The following FRMPD4 variants were observed in gnomAD, a reference collection of about 807,000 sequenced individuals.
The protein encoded by FRMPD4 is FERM and PDZ domain containing 4, also known as FERM and PDZ domain-containing protein 4.
Under a neutral mutation model 94.1 loss-of-function variants are expected in FRMPD4, and 22 were observed. The ratio of observed to expected loss-of-function variants is 0.23; its 90% CI spans 0.17 to 0.33. FRMPD4 has a LOEUF of 0.33. Ranked by LOEUF, FRMPD4 falls within the 10% of genes least tolerant of loss-of-function variation. The pLI is 1.00. For synonymous variants in FRMPD4, 631 were observed against 548.6 expected (o/e 1.15, Z -2.10); for missense variants, 1,111 against 1,339.9 (o/e 0.83, Z 2.67).
intron 4 of FRMPD4, among the ~76,000 whole-genome samples, chrX:12,616,212 C>G (rs2059234833): frequency 9.0e-6 from 1 of 110,980 alleles, no homozygotes; most frequent in Admixed American, 9.6e-5. Flanking sequence ...GAGGTCTCTG[C>G]ATCGTGAATG....
intron 1 of FRMPD4, among the ~76,000 whole-genome samples, chrX:11,835,056 A>G (rs191909179): frequency 1.8e-5 from 2 of 111,939 alleles, no homozygotes; most frequent in Admixed American, 9.5e-5. Context: ...TTGGGAAGTC[A>G]CAAAAAAGGA....
At chrX:11,941,918 G>A (rs2054162089) in intron 3 of FRMPD4, among the ~76,000 whole-genome samples, 1 of 111,807 alleles carries the variant, frequency 8.9e-6, no homozygotes, top group South Asian at 3.8e-4. Context: ...GTTGTCACTC[G>A]TCAGTTGTGA....
At chrX:12,002,634 C>T (rs1479905413) in intron 3 of FRMPD4, among the ~76,000 whole-genome samples, 24 of 111,732 alleles carry the variant, frequency 2.1e-4, no homozygotes, top group African/African-American at 7.8e-4. Flanking sequence ...GTGTATGGCA[C>T]ATAGTAGGTG....
At chrX:11,963,390 A>G (rs907640038) in intron 3 of FRMPD4, among the ~76,000 whole-genome samples, 2 of 112,489 alleles carry the variant, frequency 1.8e-5, no homozygotes, top group Non-Finnish European at 3.8e-5. Flanking sequence ...TGTCCTATAA[A>G]TTAGTAGATT....
intron 2 of FRMPD4, among the ~76,000 whole-genome samples, chrX:12,576,137 AC>A (rs1172034729): frequency 9.0e-6 from 1 of 111,395 alleles, no homozygotes; most frequent in African/African-American, 3.3e-5. Flanking sequence ...TAGAACCCAA[AC>A]CCCTTGACTT....
chrX:12,193,530 T>G (rs1293893614), intron 1 of FRMPD4, among the ~76,000 whole-genome samples: 2 of 107,050 alleles, frequency 1.9e-5, no homozygotes, highest in Admixed American at 2.1e-4. Flanking sequence ...CTTTCGAGAT[T>G]GAGTGCTTCT....
intron 3 of FRMPD4, among the ~76,000 whole-genome samples, chrX:12,009,374 A>G (rs777479742): frequency 8.9e-6 from 1 of 112,604 alleles, no homozygotes; most frequent in Non-Finnish European, 1.9e-5. Context: ...AAAACAATGT[A>G]GCTATCCAAT....
intron 3 of FRMPD4, among the ~76,000 whole-genome samples, chrX:11,961,919 AC>A (rs1249661105): frequency 8.9e-6 from 1 of 112,224 alleles, no homozygotes; most frequent in Non-Finnish European, 1.9e-5. Flanking sequence ...GAAAAAAAAA[AC>A]TTAAAGAATT....
At chrX:12,669,733 G>A (rs1178845253) in intron 4 of FRMPD4, among the ~76,000 whole-genome samples, 1 of 111,758 alleles carries the variant, frequency 8.9e-6, no homozygotes, top group Admixed American at 9.5e-5. Flanking sequence ...AAGATTTGAA[G>A]ATGATACTGC....
At chrX:11,824,930 TG>T (rs1379540085) in intron 1 of FRMPD4, among the ~76,000 whole-genome samples, 2 of 104,862 alleles carry the variant, frequency 1.9e-5, no homozygotes, top group Non-Finnish European at 3.9e-5. Context: ...ATGGACAGAG[TG>T]GTGTTTTCTA....
chrX:12,562,695 A>G (rs2058670592), intron 2 of FRMPD4, among the ~76,000 whole-genome samples: 1 of 112,911 alleles, frequency 8.9e-6, no homozygotes, highest in Admixed American at 9.4e-5. Context: ...TGAGACCCAG[A>G]GCGCTTTCTA....
chrX:12,537,575 C>T (rs2058353796), intron 2 of FRMPD4, among the ~76,000 whole-genome samples: 2 of 105,871 alleles, frequency 1.9e-5, no homozygotes, highest in South Asian at 8.9e-4. Flanking sequence ...ACTTCAGCCT[C>T]TGGAGTATCT....
chrX:12,193,763 A>AAAGT lies in FRMPD4; in HGVS notation c.41+54754_41+54755insTAAG, dbSNP rs1569186355. ...TTATCCGAAAGAAACAGAAAGAAAGAAAGAAAGAAAGGAAGGAAGGAAGGA... is the reference window on the plus strand; with the variant it reads ...TTATCCGAAAGAAACAGAAAGAAAGAAAGTAAGAAAGAAAGGAAGGAAGGAAGGA... On this transcript the variant is annotated intron_variant, in intron 1 of 16. Coordinates refer to ENST00000675598, the MANE Select transcript of FRMPD4 (RefSeq NM_001368397.1). Among the ~76,000 whole-genome samples the AAAGT allele has an allele frequency of 2.4e-3, 31 of 12,885 alleles. 1 individual carries two copies. Among genetic ancestry groups the AAAGT allele is most frequent in the African/African-American group, 0.014 (29 of 2,127 alleles). The allele number at this position is 12,885 out of a possible 115,157, so 11.2% of individuals were successfully genotyped here.
chrX:12,333,316 TG>T (rs912160597), intron 1 of FRMPD4, among the ~76,000 whole-genome samples: 15 of 108,011 alleles, frequency 1.4e-4, no homozygotes, highest in African/African-American at 5.0e-4. Context: ...GCATTTAAAA[TG>T]TTTTTTTTTA....
chrX:11,997,969 G>T (rs914067134), intron 3 of FRMPD4, among the ~76,000 whole-genome samples: 27 of 111,554 alleles, frequency 2.4e-4, no homozygotes, highest in African/African-American at 8.5e-4. Context: ...TTACTAAATA[G>T]GGTTCTTCAC....
In FRMPD4 at chrX:12,716,749, G is replaced by C; in HGVS notation, c.2290G>C (p.Glu764Gln). The change falls in exon 15 of 17, where the codon GAG becomes CAG. Residue 764 changes from glutamate (E) to glutamine (Q), a missense_variant. Physicochemically the swap from Glu to Gln is conservative, Grantham distance 29 (BLOSUM62 2). Coordinates refer to ENST00000675598, the MANE Select transcript of FRMPD4 (RefSeq NM_001368397.1). The stretch of plus-strand genomic sequence containing the variant: ...CTGCGAGGAGGACCTCGTGGTGGGG[G>C]AGATGAACCAGCCGGCCATCCTCAA... ...VSCEEDLVVG[E>Q]MNQPAILNLS... 8.3e-7 allele frequency: 1 copy of C among 1,211,348 alleles called. No individual in the cohort carries two copies. Among genetic ancestry groups the C allele is most frequent in the Non-Finnish European group, 1.1e-6 (1 of 894,971 alleles).
At chrX:12,355,155 A>G (rs2055875372) in intron 1 of FRMPD4, among the ~76,000 whole-genome samples, 1 of 108,689 alleles carries the variant, frequency 9.2e-6, no homozygotes, top group Admixed American at 9.8e-5. Flanking sequence ...GTTTATGTCT[A>G]TACTTGTAGT....
chrX:12,125,994 A>C (rs1461719221), intron 3 of FRMPD4, among the ~76,000 whole-genome samples: 1 of 112,212 alleles, frequency 8.9e-6, no homozygotes, highest in Non-Finnish European at 1.9e-5. Context: ...CAGTTAACCC[A>C]TCCTGAGAGT....
intron 1 of FRMPD4, among the ~76,000 whole-genome samples, chrX:11,833,322 T>C (rs1049539397): frequency 8.9e-6 from 1 of 112,457 alleles, no homozygotes; most frequent in Non-Finnish European, 1.9e-5. Flanking sequence ...GCAGGTTTTG[T>C]GTGGACATAA....
Sources: gnomAD v4.1 joint callset for allele counts (sites outside exome capture counted in the v4.1 genomes callset) on GRCh38, gnomAD v4.1.1 for gene constraint, MANE v1.5 for transcripts, NCBI Gene and HGNC (gene_info 2026-07-23, HGNC 2026-07-21) for gene names.